Variants in SLC35F4 observed in about 807,000 individuals in gnomAD.
The protein encoded by SLC35F4 is solute carrier family 35 member F4.
In SLC35F4, 24 loss-of-function variants were observed where a neutral mutation model predicts 44.2. The observed-to-expected ratio is 0.54, with a 90% confidence interval of 0.39 to 0.76. The LOEUF is 0.76. Among genes scored for constraint, SLC35F4 ranks in the 30% least tolerant of loss-of-function variants. The pLI, the probability that SLC35F4 is intolerant of heterozygous loss-of-function variation, is 0.00. For synonymous variants in SLC35F4, 238 were observed against 223.6 expected, an observed-to-expected ratio of 1.06 and a Z score of -0.57; for missense variants, 562 against 586.1, an observed-to-expected ratio of 0.96 and a Z score of 0.42.
At chr14:57,973,338 AG>A (rs1468980394), downstream of SLC35F4, among the ~76,000 whole-genome samples, 2 of 152,190 alleles carry the variant, frequency 1.3e-5, no homozygotes, top group African/African-American at 4.8e-5. Context: ...AGAACCCAGG[AG>A]GCTGCTTGTA....
chr14:57,600,201 C>A (rs2070731261), intron 1 of SLC35F4, among the ~76,000 whole-genome samples: 1 of 152,096 alleles, frequency 6.6e-6, no homozygotes, highest in South Asian at 2.1e-4. Flanking sequence ...TATATATTGG[C>A]CATAAAACTA....
At chr14:57,964,991 AATATAT>A (rs1212108605) in intron 1 of SLC35F4, among the ~76,000 whole-genome samples, 1 of 115,696 alleles carries the variant, frequency 8.6e-6, no homozygotes, top group African/African-American at 3.7e-5. Context: ...AAAAAAAAAA[AATATAT>A]ATATATATAT....
chr14:57,643,302 G>C (rs1055579450), intron 1 of SLC35F4, among the ~76,000 whole-genome samples: 2 of 151,886 alleles, frequency 1.3e-5, no homozygotes, highest in African/African-American at 2.4e-5. Context: ...GCATACCAAG[G>C]ACTCTTAACA....
intron 1 of SLC35F4, among the ~76,000 whole-genome samples, chr14:57,608,109 A>G (rs1455576527): frequency 6.6e-6 from 1 of 152,148 alleles, no homozygotes; most frequent in African/African-American, 2.4e-5. Flanking sequence ...TCTAGAGTTC[A>G]GAAGACAGAT....
At chr14:57,886,658 T>C (rs1888654550) in intron 1 of SLC35F4, among the ~76,000 whole-genome samples, 1 of 152,074 alleles carries the variant, frequency 6.6e-6, no homozygotes, top group Non-Finnish European at 1.5e-5. Flanking sequence ...GGGAAGAAGA[T>C]GTGATTTCAA....
chr14:57,825,747 T>C (rs1328949597), intron 1 of SLC35F4, among the ~76,000 whole-genome samples: 4 of 152,140 alleles, frequency 2.6e-5, no homozygotes. Flanking sequence ...AGCCAAATCA[T>C]GAATGAACTC....
At chr14:57,818,791 T>C (rs1882875018) in intron 1 of SLC35F4, among the ~76,000 whole-genome samples, 2 of 152,192 alleles carry the variant, frequency 1.3e-5, no homozygotes, top group Admixed American at 1.3e-4. Context: ...GAATATCAAT[T>C]ACAGCCTCAG....
At chr14:57,895,486 T>C (rs754108216) in intron 1 of SLC35F4, among the ~76,000 whole-genome samples, 1 of 152,002 alleles carries the variant, frequency 6.6e-6, no homozygotes, top group South Asian at 2.1e-4. Context: ...CAGGGGAAGA[T>C]TTCCCCCTTG....
intron 4 of SLC35F4, chr14:57,578,988 G>C (rs2069027778): frequency 6.6e-6 from 1 of 152,242 alleles, no homozygotes; most frequent in Admixed American, 6.5e-5. Flanking sequence ...TACAGTCCTT[G>C]CCTCTTCCAG....
chr14:57,653,858 C>A (rs1414094869), intron 1 of SLC35F4, among the ~76,000 whole-genome samples: 1 of 152,160 alleles, frequency 6.6e-6, no homozygotes, highest in Non-Finnish European at 1.5e-5. Context: ...TTGCCTCACA[C>A]TTCCAGAGGC....
Position 57,714,042 on chromosome 14 carries a change from C to T in SLC35F4, c.104-119918G>A, listed in dbSNP as rs548058805. Among the ~76,000 whole-genome samples the T allele has an allele frequency of 1.6e-4, 25 of 152,286 alleles. No individual in the cohort carries two copies. The South Asian group carries it at 5.2e-3, about 32-fold the overall frequency. On this transcript the variant is annotated intron_variant, in intron 1 of 7. Transcript: ENST00000556826. ...AAAGCAAAAAATACTTAAAATACAC[C>T]TAACACAGGGACAGTAGCAGCCTCT...
chr14:57,906,842 C>T (rs961335782), intron 1 of SLC35F4, among the ~76,000 whole-genome samples: 5 of 152,166 alleles, frequency 3.3e-5, no homozygotes, highest in Admixed American at 6.5e-5. Flanking sequence ...ATCAAAGCAT[C>T]GTACTTATTC....
At chr14:57,709,400 TGGTTTTTCCTA>T (rs2075761374) in intron 1 of SLC35F4, among the ~76,000 whole-genome samples, 1 of 152,178 alleles carries the variant, frequency 6.6e-6, no homozygotes, top group Non-Finnish European at 1.5e-5. Flanking sequence ...CTGTATGACC[TGGTTTTTCCTA>T]GGTTATGATT....
chr14:57,668,604 T>C (rs2074401333), intron 1 of SLC35F4, among the ~76,000 whole-genome samples: 1 of 152,152 alleles, frequency 6.6e-6, no homozygotes, highest in Admixed American at 6.5e-5. Flanking sequence ...TCCCCATTTC[T>C]TGTTTTTGTC....
chr14:57,840,636 T>C (rs1490845309), intron 1 of SLC35F4, among the ~76,000 whole-genome samples: 2 of 152,272 alleles, frequency 1.3e-5, no homozygotes, highest in East Asian at 3.9e-4. Flanking sequence ...GAGCTAAAGG[T>C]TAACCATCAG....
At chr14:57,816,613 C>T (rs1050313165) in intron 1 of SLC35F4, among the ~76,000 whole-genome samples, 1 of 152,196 alleles carries the variant, frequency 6.6e-6, no homozygotes, top group Non-Finnish European at 1.5e-5. Context: ...CTTCATAACA[C>T]ATTGAACGCT....
intron 3 of SLC35F4, among the ~76,000 whole-genome samples, chr14:57,582,330 G>T (rs2069341826): frequency 6.6e-6 from 1 of 152,028 alleles, no homozygotes; most frequent in Admixed American, 6.6e-5. Flanking sequence ...TGAGTAGCTG[G>T]GACTACAGGC....
rs1033328904 is a variant in SLC35F4, at chr14:57,669,680, C to A, written c.104-75556G>T. 8.5e-5 allele frequency among the ~76,000 whole-genome samples: 13 copies of A among 152,050 alleles called. 1 individual carries two copies. The highest frequency in any genetic ancestry group is 2.9e-4 in the African/African-American group (12 of 41,338). On this transcript the variant is annotated intron_variant, in intron 1 of 7. Coordinates refer to ENST00000556826, the MANE Select transcript of SLC35F4 (RefSeq NM_001306087.2). ...CCAGCCTTGCATCCCAGGGATGAAGCCCACTTGATCATGGTGGATAAGCTT... is the reference window on the plus strand; with the variant it reads ...CCAGCCTTGCATCCCAGGGATGAAGACCACTTGATCATGGTGGATAAGCTT...
intron 4 of SLC35F4, among the ~76,000 whole-genome samples, chr14:57,573,309 A>C (rs2068609220): frequency 6.6e-6 from 1 of 152,160 alleles, no homozygotes; most frequent in South Asian, 2.1e-4. Flanking sequence ...AAGTGTCCTT[A>C]ATGAAAAACA....
Sources: gnomAD v4.1 joint callset for allele counts (sites outside exome capture counted in the v4.1 genomes callset) on GRCh38, gnomAD v4.1.1 for gene constraint, MANE v1.5 for transcripts, NCBI Gene and HGNC (gene_info 2026-07-23, HGNC 2026-07-21) for gene names.